The following ROBO2 variants were observed in gnomAD, a reference collection of about 807,000 sequenced individuals.
ROBO2 encodes the protein roundabout guidance receptor 2.
A neutral mutation model predicts 160.8 loss-of-function variants in ROBO2; 53 were observed. That is an observed-to-expected ratio of 0.33 (90% CI 0.26 to 0.41). ROBO2 has a LOEUF of 0.41. ROBO2 is among the 10% of genes least tolerant of loss of function. ROBO2 has a pLI of 1.00. For missense variants in ROBO2, 1,577 were observed against 1,722.4 expected, an observed-to-expected ratio of 0.92 and a Z score of 1.49; for synonymous variants, 664 against 611.7, an observed-to-expected ratio of 1.09 and a Z score of -1.26.
At chr3:76,258,844 A>G (rs1259590194) in intron 2 of ROBO2, among the ~76,000 whole-genome samples, 1 of 152,000 alleles carries the variant, frequency 6.6e-6, no homozygotes, top group Non-Finnish European at 1.5e-5. Flanking sequence ...ATTTTTTTCT[A>G]CTAATAGATG....
chr3:76,042,791 G>C (rs1316803770), intron 2 of ROBO2, among the ~76,000 whole-genome samples: 2 of 151,886 alleles, frequency 1.3e-5, no homozygotes, highest in Non-Finnish European at 2.9e-5. Flanking sequence ...TCCCTGCTCT[G>C]TTCTGTTTCA....
chr3:76,341,924 G>A (rs1247241975), intron 2 of ROBO2, among the ~76,000 whole-genome samples: 2 of 152,038 alleles, frequency 1.3e-5, no homozygotes, highest in Admixed American at 6.6e-5. Context: ...CAATTATCCA[G>A]GTGAATAACA....
intron 2 of ROBO2, among the ~76,000 whole-genome samples, chr3:77,019,904 C>G (rs565069449): frequency 1.3e-5 from 2 of 152,236 alleles, no homozygotes; most frequent in Admixed American, 6.5e-5. Context: ...TGAATTTGAA[C>G]CACAAGTCTC....
chr3:77,063,233 C>T lies in ROBO2; in HGVS notation c.61+22387C>T, dbSNP rs185327221. 2.0e-5 allele frequency among the ~76,000 whole-genome samples: 3 copies of T among 152,294 alleles called. No individual in the cohort carries two copies. The East Asian group carries it at 5.8e-4, about 29-fold the overall frequency. ...CGCCAAGGGCTATGCCCATCTGCCACCCCTAACCAGTTACATGAAATGGCT... is the reference window on the plus strand; with the variant it reads ...CGCCAAGGGCTATGCCCATCTGCCATCCCTAACCAGTTACATGAAATGGCT... On this transcript the variant is annotated intron_variant, in intron 1 of 25. Coordinates refer to ENST00000461745, the Ensembl canonical transcript of ROBO2.
intron 2 of ROBO2, among the ~76,000 whole-genome samples, chr3:76,834,013 C>CCCTTCTTTCTCTCTTTT (rs2067322969): frequency 8.3e-6 from 1 of 121,148 alleles, no homozygotes; most frequent in Non-Finnish European, 1.7e-5. Context: ...TTCTTTCTTT[C>CCCTTCTTTCTCTCTTTT]CTTTCTTTCT....
intron 2 of ROBO2, among the ~76,000 whole-genome samples, chr3:76,099,717 A>T (rs9989960): frequency 0.29 from 44,729 of 152,062 alleles, 9,357 homozygotes; most frequent in African/African-American, 0.6. Flanking sequence ...TTTCTCTAAA[A>T]AAATTTTCAC....
intron 2 of ROBO2, among the ~76,000 whole-genome samples, chr3:76,196,482 C>A (rs1702266785): frequency 6.6e-6 from 1 of 151,914 alleles, no homozygotes; most frequent in African/African-American, 2.4e-5. Context: ...ATTATTGATC[C>A]TAAGTGACTG....
At chr3:76,138,294 A>T (rs1385428689) in intron 2 of ROBO2, among the ~76,000 whole-genome samples, 2 of 151,920 alleles carry the variant, frequency 1.3e-5, no homozygotes, top group African/African-American at 4.8e-5. Flanking sequence ...GTGAAAAATT[A>T]AAAAAACAAG....
intron 2 of ROBO2, among the ~76,000 whole-genome samples, chr3:77,252,312 A>T (rs905325893): frequency 1.3e-5 from 2 of 152,036 alleles, no homozygotes; most frequent in Non-Finnish European, 2.9e-5. Context: ...GATCATAACC[A>T]CTTAAGTAAT....
intron 2 of ROBO2, among the ~76,000 whole-genome samples, chr3:77,154,760 C>G (rs973113249): frequency 6.6e-6 from 1 of 151,956 alleles, no homozygotes. Context: ...TGGATCATGG[C>G]AGGAACAGAA....
At chr3:76,836,374 T>G (rs966679537) in intron 2 of ROBO2, among the ~76,000 whole-genome samples, 1 of 151,704 alleles carries the variant, frequency 6.6e-6, no homozygotes, top group Non-Finnish European at 1.5e-5. Context: ...ATTTTATTTC[T>G]GAGTGAACTA....
chr3:77,482,316 T>G (rs1337161239), intron 4 of ROBO2, among the ~76,000 whole-genome samples: 1 of 152,184 alleles, frequency 6.6e-6, no homozygotes, highest in Admixed American at 6.6e-5. Context: ...ACCAAAGCCC[T>G]GCATAGGTCC....
intron 2 of ROBO2, among the ~76,000 whole-genome samples, chr3:75,955,409 T>A (rs1948686039): frequency 6.6e-6 from 1 of 151,688 alleles, no homozygotes; most frequent in Admixed American, 6.6e-5. Context: ...CGATATAACT[T>A]CTTTCCAGGC....
At chr3:76,800,098 G>A (rs1050845038) in intron 2 of ROBO2, among the ~76,000 whole-genome samples, 1 of 152,052 alleles carries the variant, frequency 6.6e-6, no homozygotes, top group African/African-American at 2.4e-5. Flanking sequence ...TTTGACAAAG[G>A]TGTCAAGAAC....
At chr3:77,021,240 T>C (rs550357335) in intron 2 of ROBO2, among the ~76,000 whole-genome samples, 50 of 152,150 alleles carry the variant, frequency 3.3e-4, no homozygotes, top group African/African-American at 1.2e-3. Context: ...CCCCAAAGTA[T>C]GGTGCTGTGG....
intron 2 of ROBO2, among the ~76,000 whole-genome samples, chr3:76,025,054 T>C (rs679419): frequency 0.76 from 108,911 of 142,816 alleles, 41,749 homozygotes; most frequent in South Asian, 0.89. Context: ...TTTATTTCTA[T>C]GGAGAACCAT....
intron 2 of ROBO2, among the ~76,000 whole-genome samples, chr3:76,047,944 A>G (rs2067505491): frequency 6.6e-6 from 1 of 152,230 alleles, no homozygotes; most frequent in Non-Finnish European, 1.5e-5. Flanking sequence ...CTTAATGAAT[A>G]TGGTTATATT....
intron 2 of ROBO2, among the ~76,000 whole-genome samples, chr3:76,252,500 C>G (rs1032254412): frequency 6.6e-6 from 1 of 151,888 alleles, no homozygotes; most frequent in South Asian, 2.1e-4. Flanking sequence ...ATGCTAGTTG[C>G]ATTCGTCACA....
At chr3:77,514,006 A>G (rs1015104316) in intron 5 of ROBO2, among the ~76,000 whole-genome samples, 1 of 151,780 alleles carries the variant, frequency 6.6e-6, no homozygotes, top group African/African-American at 2.4e-5. Context: ...AAAATCACCA[A>G]ATTTCTGTTT....
Sources: gnomAD v4.1 joint callset for allele counts (sites outside exome capture counted in the v4.1 genomes callset) on GRCh38, gnomAD v4.1.1 for gene constraint, MANE v1.5 for transcripts, NCBI Gene and HGNC (gene_info 2026-07-23, HGNC 2026-07-21) for gene names.